CPQ: variants seen among roughly 807,000 people sequenced by gnomAD.
CPQ encodes the protein carboxypeptidase Q.
A neutral mutation model predicts 45.7 loss-of-function variants in CPQ; 37 were observed. The observed-to-expected ratio is 0.81, with a 90% CI of 0.62 to 1.07. The LOEUF is 1.07. Among genes scored for constraint, CPQ ranks in the 50% least tolerant of loss-of-function variants. The pLI, the probability that CPQ is intolerant of heterozygous loss-of-function variation, is 0.00. For synonymous variants in CPQ, 186 were observed against 205.8 expected (o/e 0.90, Z 0.82); for missense variants, 537 against 572.9 (o/e 0.94, Z 0.64).
intron 4 of CPQ, among the ~76,000 whole-genome samples, chr8:96,880,436 C>A (rs1194439069): frequency 1.3e-5 from 2 of 150,216 alleles, no homozygotes; most frequent in African/African-American, 4.9e-5. Flanking sequence ...ATGTTTATTG[C>A]AGCACTATTC....
chr8:97,122,908 AAAATAAAATAAAATAAAAT>A (rs1811735304), intron 7 of CPQ, among the ~76,000 whole-genome samples: 1 of 89,002 alleles, frequency 1.1e-5, no homozygotes, highest in Non-Finnish European at 1.8e-5. Context: ...AAAATAAAAT[AAAATAAAATAAAATAAAAT>A]AAATAAAATA....
intron 3 of CPQ, among the ~76,000 whole-genome samples, chr8:96,872,921 T>A (rs1179638654): frequency 6.6e-6 from 1 of 151,938 alleles, no homozygotes; most frequent in Non-Finnish European, 1.5e-5. Context: ...TCCTGTATCT[T>A]TGAATCTTCT....
intron 3 of CPQ, among the ~76,000 whole-genome samples, chr8:96,851,311 T>G (rs1811768197): frequency 6.6e-6 from 1 of 152,234 alleles, no homozygotes; most frequent in Admixed American, 6.5e-5. Flanking sequence ...GACCAAACAA[T>G]GTATTCCAAT....
intron 6 of CPQ, among the ~76,000 whole-genome samples, chr8:97,041,122 G>A (rs529991555): frequency 0.021 from 3,189 of 152,166 alleles, 103 homozygotes; most frequent in African/African-American, 0.068. Flanking sequence ...ATGAGCATGG[G>A]ATGTTCTTCC....
chr8:96,699,610 TAC>T (rs1213904279), intron 1 of CPQ, among the ~76,000 whole-genome samples: 19 of 152,174 alleles, frequency 1.2e-4, no homozygotes, highest in South Asian at 1.0e-3. Flanking sequence ...TATATATATA[TAC>T]CTACTATGTA....
chr8:96,675,396 C>G (rs1346521010), intron 1 of CPQ, among the ~76,000 whole-genome samples: 1 of 152,048 alleles, frequency 6.6e-6, no homozygotes, highest in Non-Finnish European at 1.5e-5. Context: ...CTACTGCATT[C>G]TTTTTAATTA....
intron 1 of CPQ, among the ~76,000 whole-genome samples, chr8:96,777,228 A>G (rs1198422511): frequency 1.3e-5 from 2 of 152,160 alleles, no homozygotes; most frequent in Non-Finnish European, 2.9e-5. Flanking sequence ...AGAAAATGAC[A>G]AGTAGGTAGA....
chr8:97,126,508 G>A (rs998533146), intron 7 of CPQ, among the ~76,000 whole-genome samples: 1 of 152,092 alleles, frequency 6.6e-6, no homozygotes, highest in Non-Finnish European at 1.5e-5. Context: ...AACTTTCACA[G>A]TACATAGAAA....
intron 3 of CPQ, among the ~76,000 whole-genome samples, chr8:96,836,645 C>T (rs374198045): frequency 6.6e-6 from 1 of 152,166 alleles, no homozygotes; most frequent in African/African-American, 2.4e-5. Flanking sequence ...ACCATGATTT[C>T]ACGGTCATGA....
intron 6 of CPQ, among the ~76,000 whole-genome samples, chr8:97,059,680 A>G (rs1475238228): frequency 1.3e-5 from 2 of 152,186 alleles, no homozygotes; most frequent in African/African-American, 4.8e-5. Context: ...ATCCACAGAA[A>G]CTGGGAATTC....
intron 1 of CPQ, among the ~76,000 whole-genome samples, chr8:96,665,307 A>G: frequency 6.6e-6 from 1 of 152,206 alleles, no homozygotes; most frequent in East Asian, 1.9e-4. Context: ...GTTACATATG[A>G]TACTATTACT....
chr8:96,699,258 T>A (rs1168445885), intron 1 of CPQ, among the ~76,000 whole-genome samples: 1 of 152,144 alleles, frequency 6.6e-6, no homozygotes, highest in African/African-American at 2.4e-5. Flanking sequence ...TATTTCCACT[T>A]ATTTGTGGGA....
intron 2 of CPQ, among the ~76,000 whole-genome samples, chr8:96,814,756 A>T (rs1460014581): frequency 6.6e-6 from 1 of 152,146 alleles, no homozygotes; most frequent in African/African-American, 2.4e-5. Flanking sequence ...CAATACAAGG[A>T]CAAGTCCTCA....
At chr8:96,968,131 AC>A (rs1393997333) in intron 5 of CPQ, among the ~76,000 whole-genome samples, 4 of 152,186 alleles carry the variant, frequency 2.6e-5, no homozygotes, top group African/African-American at 7.2e-5. Context: ...TACTAATGTA[AC>A]TTTAGGGCCA....
chr8:97,045,146 C>G (rs564985547), intron 6 of CPQ, among the ~76,000 whole-genome samples: 1 of 152,222 alleles, frequency 6.6e-6, no homozygotes, highest in Non-Finnish European at 1.5e-5. Flanking sequence ...CCACCCAGTT[C>G]GAGCTTCCCG....
intron 7 of CPQ, among the ~76,000 whole-genome samples, chr8:97,077,300 C>T (rs1014219220): frequency 1.3e-5 from 2 of 152,182 alleles, no homozygotes; most frequent in African/African-American, 2.4e-5. Context: ...ATGTGAGAGC[C>T]ATCACTTCTT....
At chr8:96,818,015 A>G (rs541803604) in intron 2 of CPQ, among the ~76,000 whole-genome samples, 1 of 152,148 alleles carries the variant, frequency 6.6e-6, no homozygotes, top group African/African-American at 2.4e-5. Flanking sequence ...GGCTATTGAC[A>G]TGCCTTCCTC....
At chr8:96,708,200 T>C (rs1445755688) in intron 1 of CPQ, among the ~76,000 whole-genome samples, 3 of 152,088 alleles carry the variant, frequency 2.0e-5, no homozygotes, top group Non-Finnish European at 2.9e-5. Flanking sequence ...CTTACACTTA[T>C]AAGGATTCTT....
chr8:96,720,240 C>T (rs190378395), intron 1 of CPQ, among the ~76,000 whole-genome samples: 25 of 152,242 alleles, frequency 1.6e-4, no homozygotes, highest in Admixed American at 1.1e-3. Flanking sequence ...CCAACACTTG[C>T]GGCATCTTGG....
Sources: gnomAD v4.1 joint callset for allele counts (sites outside exome capture counted in the v4.1 genomes callset) on GRCh38, gnomAD v4.1.1 for gene constraint, MANE v1.5 for transcripts, NCBI Gene and HGNC (gene_info 2026-07-23, HGNC 2026-07-21) for gene names.